HPSE2: variants seen among roughly 807,000 people sequenced by gnomAD.
HPSE2 encodes inactive heparanase-2.
HPSE2 carries 38 observed loss-of-function variants against 60.5 expected under a neutral mutation model. The observed-to-expected ratio is 0.63, with a 90% CI of 0.48 to 0.82. The LOEUF is 0.82. Ranked by LOEUF, HPSE2 falls within the 40% of genes least tolerant of loss-of-function variation. The pLI, the probability that HPSE2 is intolerant of heterozygous loss-of-function variation, is 0.00. For synonymous variants in HPSE2, 295 were observed against 293.2 expected (o/e 1.01, Z -0.06); for missense variants, 713 against 740.4 (o/e 0.96, Z 0.43).
At chr10:98,563,033 G>A (rs1183443753) in intron 9 of HPSE2, among the ~76,000 whole-genome samples, 2 of 152,000 alleles carry the variant, frequency 1.3e-5, no homozygotes, top group Non-Finnish European at 2.9e-5. Context: ...TTCCTCAAAA[G>A]GTTACACACA....
chr10:98,620,247 C>A (rs1170751974), intron 8 of HPSE2, among the ~76,000 whole-genome samples: 3 of 152,120 alleles, frequency 2.0e-5, no homozygotes, highest in Admixed American at 1.3e-4. Context: ...AGGGAAAAAA[C>A]CATGCCTTAT....
chr10:98,843,418 G>T (rs1397925553), intron 3 of HPSE2, among the ~76,000 whole-genome samples: 1 of 152,078 alleles, frequency 6.6e-6, no homozygotes, highest in Non-Finnish European at 1.5e-5. Context: ...ATCCAATATA[G>T]AACACAATAT....
intron 3 of HPSE2, among the ~76,000 whole-genome samples, chr10:99,110,330 C>T (rs545601176): frequency 2.6e-5 from 4 of 152,232 alleles, no homozygotes; most frequent in East Asian, 1.9e-4. Context: ...ACAGAATAAA[C>T]GTAGAAACTG....
chr10:98,509,237 C>A (rs766219775), intron 9 of HPSE2, among the ~76,000 whole-genome samples: 9 of 151,920 alleles, frequency 5.9e-5, no homozygotes, highest in Non-Finnish European at 1.0e-4. Flanking sequence ...TCACTTGAAC[C>A]CAGGAAGCGG....
the HPSE2 span, among the ~76,000 whole-genome samples, chr10:99,289,146 T>TA: frequency 2.0e-5 from 3 of 152,104 alleles, no homozygotes; most frequent in African/African-American, 4.8e-5. Context: ...CAGGAGTGCC[T>TA]AAAGATGGAC....
intron 3 of HPSE2, among the ~76,000 whole-genome samples, chr10:98,951,612 T>C (rs1955359307): frequency 6.6e-6 from 1 of 152,212 alleles, no homozygotes; most frequent in East Asian, 1.9e-4. Context: ...CAGGAAAATG[T>C]GACAGTGGCT....
chr10:99,139,980 T>A (rs1449218036), intron 3 of HPSE2, among the ~76,000 whole-genome samples: 1 of 152,176 alleles, frequency 6.6e-6, no homozygotes, highest in Non-Finnish European at 1.5e-5. Flanking sequence ...ATAATCCACA[T>A]CACTCTATAG....
chr10:99,094,540 A>ATATTT (rs1843646305), intron 3 of HPSE2, among the ~76,000 whole-genome samples: 2 of 26,614 alleles, frequency 7.5e-5, no homozygotes, highest in African/African-American at 1.7e-4. Context: ...ATATATATAT[A>ATATTT]TTTTTTTTTT....
chr10:98,545,865 C>G (rs545063992), intron 9 of HPSE2, among the ~76,000 whole-genome samples: 1 of 150,580 alleles, frequency 6.6e-6, no homozygotes, highest in East Asian at 2.0e-4. Context: ...GTCAAACTGT[C>G]CCTGTTTACA....
At chr10:98,878,599 A>T (rs142388470) in intron 3 of HPSE2, among the ~76,000 whole-genome samples, 233 of 152,094 alleles carry the variant, frequency 1.5e-3, no homozygotes, top group African/African-American at 5.3e-3. Flanking sequence ...TTTGATTAGA[A>T]TGAAAATAGG....
At chr10:99,075,220 TTG>T (rs2135557664) in intron 3 of HPSE2, among the ~76,000 whole-genome samples, 1 of 152,254 alleles carries the variant, frequency 6.6e-6, no homozygotes, top group South Asian at 2.1e-4. Context: ...GTTTGGTATG[TTG>T]TGTTTTCATT....
At chr10:98,946,073 G>T (rs1955174207) in intron 3 of HPSE2, among the ~76,000 whole-genome samples, 1 of 152,002 alleles carries the variant, frequency 6.6e-6, no homozygotes, top group Non-Finnish European at 1.5e-5. Flanking sequence ...ATAAGGAAAA[G>T]GTTGTGATGA....
At chr10:98,641,122 G>A (rs953782370) in intron 7 of HPSE2, among the ~76,000 whole-genome samples, 8 of 152,030 alleles carry the variant, frequency 5.3e-5, no homozygotes, top group Non-Finnish European at 1.2e-4. Flanking sequence ...GTGTAAATAT[G>A]GCTCAGAATT....
At chr10:98,726,668 A>AATAATAAT (rs1949092095) in intron 4 of HPSE2, among the ~76,000 whole-genome samples, 2 of 129,432 alleles carry the variant, frequency 1.5e-5, no homozygotes, top group Admixed American at 8.0e-5. Flanking sequence ...ATAATAATAA[A>AATAATAAT]AGAAATATAA....
At chr10:98,903,806 G>A (rs902628165) in intron 3 of HPSE2, among the ~76,000 whole-genome samples, 1 of 152,054 alleles carries the variant, frequency 6.6e-6, no homozygotes, top group African/African-American at 2.4e-5. Flanking sequence ...TTACAATCTA[G>A]TAAGGGAGAC....
chr10:99,313,743 G>A, the HPSE2 span, among the ~76,000 whole-genome samples: 2 of 151,740 alleles, frequency 1.3e-5, no homozygotes, highest in South Asian at 4.2e-4. Flanking sequence ...GGGACTACAG[G>A]TGACGACCAG....
chr10:98,475,767 T>TG (rs1354796286), intron 11 of HPSE2, among the ~76,000 whole-genome samples: 24 of 152,060 alleles, frequency 1.6e-4, no homozygotes, highest in African/African-American at 2.9e-4. Flanking sequence ...CCACTTCTTC[T>TG]GGAAAAAAAA....
chr10:98,559,485 A>T (rs981245288), intron 9 of HPSE2, among the ~76,000 whole-genome samples: 3 of 152,076 alleles, frequency 2.0e-5, no homozygotes, highest in African/African-American at 4.8e-5. Flanking sequence ...TCTTACCCTG[A>T]AGGCTTCTCT....
chr10:98,672,486 AGAT>A (rs1947531823), intron 6 of HPSE2, among the ~76,000 whole-genome samples: 1 of 152,210 alleles, frequency 6.6e-6, no homozygotes. Context: ...TGAGTTTCAA[AGAT>A]GATGATGGCG....
Sources: allele counts gnomAD v4.1 joint callset (sites outside exome capture counted in the v4.1 genomes callset), GRCh38; gene constraint gnomAD v4.1.1; transcripts MANE v1.5; gene names NCBI Gene and HGNC (gene_info 2026-07-23, HGNC 2026-07-21).